The following SYT11 variants were observed in gnomAD, a reference collection of about 807,000 sequenced individuals.
The protein encoded by SYT11 is synaptotagmin-11.
Under a neutral mutation model 30.4 loss-of-function variants are expected in SYT11, and 12 were observed. The ratio of observed to expected loss-of-function variants is 0.39; its 90% CI spans 0.25 to 0.64. SYT11 has a LOEUF of 0.64. Among genes scored for constraint, SYT11 ranks in the 30% least tolerant of loss-of-function variants. SYT11 has a pLI of 0.45. For synonymous variants in SYT11, 204 were observed against 216.0 expected, an observed-to-expected ratio of 0.94 and a Z score of 0.49; for missense variants, 412 against 552.0, an observed-to-expected ratio of 0.75 and a Z score of 2.54.
chr1:155,880,081 A>G (rs1672936980), intron 2 of SYT11, among the ~76,000 whole-genome samples: 2 of 152,220 alleles, frequency 1.3e-5, no homozygotes, highest in South Asian at 2.1e-4. Context: ...AGTCCTAGCT[A>G]CTCAGGAGGC....
Position 155,867,997 on chromosome 1 carries a change from G to A in SYT11, c.67G>A (p.Ala23Thr), listed in dbSNP as rs773865820. 6.2e-7 allele frequency: 1 copy of A among 1,611,926 alleles called. No individual in the cohort carries two copies. The highest frequency in any genetic ancestry group is 1.1e-5 in the South Asian group (1 of 91,014). Residue 23 changes from alanine to threonine, a missense_variant, in exon 2 of 4, where the codon GCC (alanine) becomes ACC (threonine). By Grantham distance (58) the Ala-to-Thr change is moderately conservative. Transcript: ENST00000368324. ...ACCGGTGGTGGCCGGCCTCATCGGG[G>A]CCTCTGTGCTGGTGGTGTGTGTCTC... ...VSPVVAGLIG[A>T]SVLVVCVSVT...
chr1:155,878,671 C>T (rs1245759371), intron 2 of SYT11, among the ~76,000 whole-genome samples: 1 of 151,712 alleles, frequency 6.6e-6, no homozygotes, highest in Non-Finnish European at 1.5e-5. Context: ...CAAGACCATC[C>T]TGGCTAACAT....
chr1:155,859,905 C>A, intron 1 of SYT11, 110 bp downstream of exon 1: 1 of 1,084,608 alleles, frequency 9.2e-7, no homozygotes, highest in Non-Finnish European at 1.4e-6. Flanking sequence ...TTCAAAATGC[C>A]AGCCCCACTA....
chr1:155,859,619 G>A lies in SYT11; in HGVS notation c.-143G>A. On this transcript the variant is annotated 5_prime_UTR_variant, in exon 1 of 4. Transcript: ENST00000368324. ...TGAGCGCAGCTGACAACTAGGGGCC[G>A]GACCGTCGCAGGAGGCGTCCGCTGG... is the stretch of plus-strand genomic sequence containing the variant. The A allele has an allele frequency of 1.3e-6, 1 of 763,862 alleles. No homozygotes were observed. Among genetic ancestry groups the A allele is most frequent in the Non-Finnish European group, 2.3e-6 (1 of 431,658 alleles). 47.3% of individuals were successfully genotyped at this position (763,862 alleles called of 1,614,324 possible). A position where few individuals can be genotyped will look rare whatever the true frequency, so the allele number is the denominator to read the frequency against.
At chr1:155,872,478 G>A (rs1240876231) in intron 2 of SYT11, among the ~76,000 whole-genome samples, 2 of 152,182 alleles carry the variant, frequency 1.3e-5, no homozygotes, top group African/African-American at 2.4e-5. Context: ...TTTCTTCTGA[G>A]TGTATTCTTT....
chr1:155,880,747 T>C, intron 3 of SYT11, 124 bp downstream of exon 3: 1 of 1,169,904 alleles, frequency 8.5e-7, no homozygotes, highest in Admixed American at 2.0e-5. Flanking sequence ...CTCCTCTTTC[T>C]GTAGACATTC....
rs1557948029 is a variant in SYT11, at chr1:155,870,287, A to G, written c.861+1496A>G. On this transcript the variant is annotated intron_variant, in intron 2 of 3. Transcript: ENST00000368324. ...TTGGGCAAGCTGCTTCACTTTCGCT[A>G]AGTCTCAGTTTCTTATGGGAATAGA... Among the ~76,000 whole-genome samples, 2 of 152,228 alleles carry G rather than the reference A, an allele frequency of 1.3e-5. 1 individual carries two copies. Among genetic ancestry groups the G allele is most frequent in the South Asian group, 4.1e-4 (2 of 4,830 alleles).
intron 1 of SYT11, 63 bp downstream of exon 1, chr1:155,859,858 C>T: frequency 6.6e-7 from 1 of 1,503,950 alleles, no homozygotes; most frequent in African/African-American, 1.4e-5. Flanking sequence ...CAAGGGGGCC[C>T]AGCGGCAGGG....
chr1:155,880,661 C>T, intron 3 of SYT11, 38 bp downstream of exon 3: 1 of 1,610,720 alleles, frequency 6.2e-7, no homozygotes, highest in South Asian at 1.1e-5. Flanking sequence ...ACTGTCTGAA[C>T]CATCCCCGAC....
intron 1 of SYT11, among the ~76,000 whole-genome samples, chr1:155,865,126 AACAG>A (rs919310312): frequency 1.4e-4 from 21 of 152,222 alleles, no homozygotes; most frequent in African/African-American, 5.1e-4. Context: ...CAGTGAACAA[AACAG>A]ACAAAGTTGC....
intron 1 of SYT11, 80 bp downstream of exon 1, chr1:155,859,875 A>G (rs1672522199): frequency 1.5e-6 from 2 of 1,373,384 alleles, no homozygotes; most frequent in East Asian, 4.6e-5. Flanking sequence ...AGGGCAGAGA[A>G]TGCAGCCCAG....
At chr1:155,862,803 G>C (rs762866259) in intron 1 of SYT11, among the ~76,000 whole-genome samples, 1 of 152,202 alleles carries the variant, frequency 6.6e-6, no homozygotes, top group Non-Finnish European at 1.5e-5. Context: ...ACAGTGTTCA[G>C]TTTCACTAAT....
rs1245597007 is a variant in SYT11, at chr1:155,868,216, G to T, written c.286G>T (p.Val96Leu). 2 of 1,614,048 alleles carry T rather than the reference G, an allele frequency of 1.2e-6. No individual in the cohort carries two copies. The highest frequency in any genetic ancestry group is 1.1e-5 in the South Asian group (1 of 91,084). Residue 96 changes from valine to leucine, a missense_variant, in exon 2 of 4, where the codon GTG (valine) becomes TTG (leucine). By Grantham distance (32) the Val-to-Leu change is conservative. Coordinates refer to ENST00000368324, the MANE Select transcript of SYT11 (RefSeq NM_152280.5). This position sits in a 1 kb window ranked among gnomAD's most constrained non-coding sequence, Gnocchi z 4.7. ...GGAAGGTGGACGTAGGAACCTGTTG[G>T]TGGACGCAGCAGAGGCTGGCCTGCT... is the stretch of plus-strand genomic sequence containing the variant. Reference protein sequence around the residue: ...GREGGRRNLLVDAAEAGLLSR... With the variant: ...GREGGRRNLLLDAAEAGLLSR...
chr1:155,873,308 C>G (rs979850570), intron 2 of SYT11, among the ~76,000 whole-genome samples: 5 of 152,088 alleles, frequency 3.3e-5, no homozygotes, highest in African/African-American at 1.2e-4. Flanking sequence ...TGCCTGTAGT[C>G]CCAGCTACTC....
chr1:155,874,299 A>G (rs1672825646), intron 2 of SYT11, among the ~76,000 whole-genome samples: 1 of 140,944 alleles, frequency 7.1e-6, no homozygotes, highest in African/African-American at 2.5e-5. Flanking sequence ...CAAAACAAAC[A>G]AAAACACATT....
At position 155,868,177 on chromosome 1, in the gene SYT11, G is replaced by T; in HGVS notation, c.247G>T (p.Asp83Tyr). 6.2e-7 allele frequency: 1 copy of T among 1,614,170 alleles called. No homozygotes were observed. Among genetic ancestry groups the T allele is most frequent in the Non-Finnish European group, 8.5e-7 (1 of 1,180,018 alleles). ...KKIIKVRRDK[D>Y]GPGREGGRRN... ...AATCATCAAAGTGCGGAGAGACAAA[G>T]ATGGTCCTGGGAGGGAAGGTGGACG... The change falls in exon 2 of 4, where the codon GAT becomes TAT. Residue 83 changes from aspartate to tyrosine, a missense_variant. By Grantham distance (160) the Asp-to-Tyr change is radical (BLOSUM62 -3). Coordinates refer to ENST00000368324, the MANE Select transcript of SYT11 (RefSeq NM_152280.5). This position sits in a 1 kb window ranked among gnomAD's most constrained non-coding sequence, Gnocchi z 4.7.
At chr1:155,862,036 C>A (rs1200033422) in intron 1 of SYT11, among the ~76,000 whole-genome samples, 4 of 152,240 alleles carry the variant, frequency 2.6e-5, no homozygotes, top group African/African-American at 9.6e-5. Context: ...TCAATAAAAG[C>A]AGTTCTGGTC....
At position 155,883,078 on chromosome 1, in the gene SYT11, G is replaced by A. The variant is rs553607966; in HGVS notation, c.*1570G>A. ...TTTATGTCTTACCACATGGTGGAGG[G>A]ATGGAGGAACTACAGGATGCAATTC... On this transcript the variant is annotated 3_prime_UTR_variant, in exon 4 of 4. Transcript: ENST00000368324. 1 of 152,492 alleles carries A rather than the reference G, an allele frequency of 6.6e-6. No individual in the cohort carries two copies. The highest frequency in any genetic ancestry group is 2.1e-4 in the South Asian group (1 of 4,830). 9.4% of individuals were successfully genotyped at this position (152,492 alleles called of 1,614,324 possible). A position where few individuals can be genotyped will look rare whatever the true frequency, so the allele number is the denominator to read the frequency against.
intron 2 of SYT11, among the ~76,000 whole-genome samples, chr1:155,873,845 T>C (rs1317708652): frequency 1.3e-5 from 2 of 152,240 alleles, no homozygotes; most frequent in Non-Finnish European, 2.9e-5. Context: ...GTTCTGAATG[T>C]TTTGGAATCC....
Sources: allele counts gnomAD v4.1 joint callset (sites outside exome capture counted in the v4.1 genomes callset), GRCh38; gene constraint gnomAD v4.1.1; non-coding constraint Gnocchi (gnomAD v3.1); transcripts MANE v1.5; gene names NCBI Gene and HGNC (gene_info 2026-07-23, HGNC 2026-07-21).